The following CDKAL1 variants were observed in gnomAD, a reference collection of about 807,000 sequenced individuals.
CDKAL1 encodes the protein CDKAL1 threonylcarbamoyladenosine tRNA methylthiotransferase, also known as threonylcarbamoyladenosine tRNA methylthiotransferase.
A neutral mutation model predicts 68.2 loss-of-function variants in CDKAL1; 32 were observed. That is an observed-to-expected ratio of 0.47 (90% confidence interval 0.35 to 0.63). The LOEUF (loss-of-function observed/expected upper bound fraction) is 0.63, where lower values mean the gene tolerates loss of function less well. CDKAL1 is among the 30% of genes least tolerant of loss of function. The pLI is 0.00. For missense variants in CDKAL1, 606 were observed against 696.7 expected (o/e 0.87, Z 1.47); for synonymous variants, 234 against 244.3 (o/e 0.96, Z 0.39).
Position 20,936,322 on chromosome 6 carries a change from C to A in CDKAL1, c.743-19097C>A, listed in dbSNP as rs1447877122. Reference sequence around the variant, plus strand: ...CTGGAGTGCAGTGGCGGGATCTCGGCTCACTGCAAGCTCCGCCTCCCGGGT... The same window carrying A: ...CTGGAGTGCAGTGGCGGGATCTCGGATCACTGCAAGCTCCGCCTCCCGGGT... On this transcript the variant is annotated intron_variant, in intron 9 of 15. Coordinates refer to ENST00000274695, the MANE Select transcript of CDKAL1 (RefSeq NM_017774.3). 2.2e-5 allele frequency among the ~76,000 whole-genome samples: 3 copies of A among 133,888 alleles called. No individual in the cohort carries two copies. The East Asian group carries it at 6.9e-4, about 31-fold the overall frequency. The allele number at this position is 133,888 out of a possible 152,430, so 87.8% of individuals were successfully genotyped here. A position where few individuals can be genotyped will look rare whatever the true frequency, so the allele number is the denominator to read the frequency against.
intron 8 of CDKAL1, among the ~76,000 whole-genome samples, chr6:20,784,207 G>A (rs775914908): frequency 1.5e-4 from 22 of 145,016 alleles, no homozygotes; most frequent in Admixed American, 2.8e-4. Context: ...GCTAGACTCC[G>A]TCTTAAAAAA....
At chr6:20,649,055 G>T (rs1280747956) in intron 4 of CDKAL1, among the ~76,000 whole-genome samples, 1 of 152,176 alleles carries the variant, frequency 6.6e-6, no homozygotes, top group African/African-American at 2.4e-5. Flanking sequence ...TGAAAGTAAA[G>T]GAAGAGAATG....
At chr6:21,146,222 G>A (rs1054774120) in intron 13 of CDKAL1, among the ~76,000 whole-genome samples, 4 of 151,942 alleles carry the variant, frequency 2.6e-5, no homozygotes, top group Non-Finnish European at 5.9e-5. Context: ...GTGCTTTCTG[G>A]GTCTTGGATT....
intron 5 of CDKAL1, among the ~76,000 whole-genome samples, chr6:20,699,239 C>T (rs1771238055): frequency 6.6e-6 from 1 of 151,988 alleles, no homozygotes. Context: ...TAATGTATTA[C>T]AGAGACCAGA....
intron 11 of CDKAL1, among the ~76,000 whole-genome samples, chr6:21,011,006 C>T (rs772912146): frequency 3.4e-5 from 5 of 146,020 alleles, no homozygotes; most frequent in African/African-American, 7.7e-5. Flanking sequence ...GGTGTGAACC[C>T]GGGAGGTGGA....
chr6:21,081,092 A>T (rs554061168), intron 12 of CDKAL1, among the ~76,000 whole-genome samples: 45 of 152,298 alleles, frequency 3.0e-4, no homozygotes, highest in South Asian at 1.0e-3. Context: ...AAATCATTTT[A>T]AAAAAATGCC....
chr6:20,699,307 T>G (rs1771240635), intron 5 of CDKAL1, among the ~76,000 whole-genome samples: 1 of 151,894 alleles, frequency 6.6e-6, no homozygotes, highest in South Asian at 2.1e-4. Flanking sequence ...ATAAGAAAAT[T>G]TCTTTTGGGG....
In CDKAL1 at chr6:20,781,236, A is replaced by G. The variant is rs776115601; in HGVS notation, c.609A>G (p.Pro203=). 6.2e-6 allele frequency: 10 copies of G among 1,613,516 alleles called. No homozygotes were observed. The highest frequency in any genetic ancestry group is 1.7e-5 in the Admixed American group (1 of 59,888). ...ATTTGCCGAAGATTAGGAAGAATCC[A>G]CTGATAGAAATCATTTCCATCAATA... is the stretch of plus-strand genomic sequence containing the variant. ...RLDLPKIRKN[P]LIEIISINTG... The change falls in exon 8 of 16, where the codon CCA becomes CCG. Residue 203 remains proline (P), a synonymous_variant. Transcript: ENST00000274695.
chr6:20,602,187 A>G (rs1201358398), intron 4 of CDKAL1, among the ~76,000 whole-genome samples: 1 of 152,154 alleles, frequency 6.6e-6, no homozygotes, highest in African/African-American at 2.4e-5. Context: ...TTTGCTAAAG[A>G]TACTTATCTA....
chr6:20,780,084 T>TA (rs1195162658), intron 7 of CDKAL1, among the ~76,000 whole-genome samples: 2 of 138,800 alleles, frequency 1.4e-5, no homozygotes, highest in African/African-American at 2.8e-5. Flanking sequence ...CCCTGTCTCT[T>TA]AAAAAACCTA....
chr6:20,882,313 C>T (rs9465925), intron 9 of CDKAL1, among the ~76,000 whole-genome samples: 27,461 of 152,092 alleles, frequency 0.18, 2,737 homozygotes, highest in Middle Eastern at 0.27. Flanking sequence ...TTAGCTCATA[C>T]GCTTTGTCCT....
chr6:20,721,858 G>A (rs570981325), intron 5 of CDKAL1, among the ~76,000 whole-genome samples: 18 of 148,172 alleles, frequency 1.2e-4, no homozygotes, highest in Non-Finnish European at 1.9e-4. Flanking sequence ...TCAGCCTCCC[G>A]AGTAGCTGGG....
chr6:21,222,977 A>C (rs994329717), intron 15 of CDKAL1, among the ~76,000 whole-genome samples: 6 of 152,176 alleles, frequency 3.9e-5, no homozygotes, highest in African/African-American at 1.4e-4. Context: ...GCGATGTGCC[A>C]TCTACAGGTC....
intron 6 of CDKAL1, among the ~76,000 whole-genome samples, chr6:20,748,364 G>A (rs1299845902): frequency 6.6e-6 from 1 of 151,542 alleles, no homozygotes; most frequent in Non-Finnish European, 1.5e-5. Context: ...ACAAAAATTA[G>A]CCTGGCATGA....
intron 4 of CDKAL1, among the ~76,000 whole-genome samples, chr6:20,591,377 T>G (rs978131775): frequency 6.6e-6 from 1 of 152,182 alleles, no homozygotes; most frequent in Non-Finnish European, 1.5e-5. Flanking sequence ...ATTTGTCTAT[T>G]TTGGCTTTTG....
chr6:20,792,766 C>G (rs924176414), intron 8 of CDKAL1, among the ~76,000 whole-genome samples: 1 of 152,134 alleles, frequency 6.6e-6, no homozygotes, highest in Non-Finnish European at 1.5e-5. Flanking sequence ...CAGAACATCT[C>G]TATGTATCTG....
intron 9 of CDKAL1, among the ~76,000 whole-genome samples, chr6:20,950,925 G>T (rs934184629): frequency 6.6e-6 from 1 of 151,270 alleles, no homozygotes; most frequent in Admixed American, 6.6e-5. Context: ...AGCCGAGATC[G>T]TGCCATTGCA....
chr6:21,095,862 G>A (rs1224153288), intron 12 of CDKAL1, among the ~76,000 whole-genome samples: 5 of 152,112 alleles, frequency 3.3e-5, no homozygotes, highest in Admixed American at 3.3e-4. Flanking sequence ...TTTAATATAT[G>A]GAACAAAAAT....
At chr6:20,822,623 C>A (rs184469812) in intron 8 of CDKAL1, among the ~76,000 whole-genome samples, 14 of 152,196 alleles carry the variant, frequency 9.2e-5, no homozygotes, top group African/African-American at 3.1e-4. Context: ...CCATGTGTCA[C>A]GGGAGAGTCC....
Sources: allele counts gnomAD v4.1 joint callset (sites outside exome capture counted in the v4.1 genomes callset), GRCh38; gene constraint gnomAD v4.1.1; transcripts MANE v1.5; gene names NCBI Gene and HGNC (gene_info 2026-07-23, HGNC 2026-07-21).